Variants in ZAN observed in about 807,000 individuals in gnomAD.
ZAN encodes zonadhesin (gene/pseudogene).
Under a neutral mutation model 286.2 loss-of-function variants are expected in ZAN, and 260 were observed. That is an observed-to-expected ratio of 0.91 (90% confidence interval 0.82 to 1.01). The LOEUF (loss-of-function observed/expected upper bound fraction) is 1.01, where lower values mean the gene tolerates loss of function less well. Ranked by LOEUF, ZAN falls within the 50% of genes least tolerant of loss-of-function variation. The pLI is 0.00. For missense variants in ZAN, 3,410 were observed against 3,639.2 expected, an observed-to-expected ratio of 0.94 and a Z score of 1.62; for synonymous variants, 1,368 against 1,417.5, an observed-to-expected ratio of 0.97 and a Z score of 0.79.
At position 100,784,616 on chromosome 7, in the gene ZAN, C is replaced by T; in HGVS notation, c.6623-7C>T. On this transcript the variant is annotated splice_polypyrimidine_tract_variant and splice_region_variant and intron_variant, in intron 35 of 47. Transcript: ENST00000613979. ...CTCCACTGACCCACTGTCTCCTTCACCCACAGCTCTGGAATGCCCTGCCTA... is the reference window on the plus strand; with the variant it reads ...CTCCACTGACCCACTGTCTCCTTCATCCACAGCTCTGGAATGCCCTGCCTA... The T allele has an allele frequency of 6.2e-7, 1 of 1,613,284 alleles. No individual in the cohort carries two copies. The highest frequency in any genetic ancestry group is 8.5e-7 in the Non-Finnish European group (1 of 1,179,714).
intron 7 of ZAN, 101 bp downstream of exon 7, chr7:100,738,714 C>G: frequency 8.1e-7 from 1 of 1,232,942 alleles, no homozygotes; most frequent in East Asian, 2.6e-5. Context: ...CAGCTTCAAG[C>G]CTCTTACCAG....
rs1469517428 is a variant in ZAN at position 100,792,106 on chromosome 7, T to C, written c.7670T>C (p.Phe2557Ser). 1 of 1,612,532 alleles carries C rather than the reference T, an allele frequency of 6.2e-7. No individual in the cohort carries two copies. Residue 2557 changes from phenylalanine (F) to serine (S), a missense_variant, in exon 41 of 48, where the codon TTT becomes TCT. Physicochemically the swap from Phe to Ser is radical, Grantham distance 155 (BLOSUM62 -2). This residue lies in a region of ZAN where 1,289 missense variants were observed against 1,314.3 expected (regional missense o/e 0.98). Coordinates refer to ENST00000613979, the MANE Select transcript of ZAN (RefSeq NM_003386.3). ...GTGCTGGCAGACCCCCAGGGCCCCT[T>C]TGCTGCCTGTCACCAGACGGTGGCC... ...CRVLADPQGP[F>S]AACHQTVAPE...
At chr7:100,771,663 C>T (rs1273360045) in intron 28 of ZAN, among the ~76,000 whole-genome samples, 181 bp from the exon 29 acceptor site, 4 of 152,104 alleles carry the variant, frequency 2.6e-5, no homozygotes, top group African/African-American at 9.7e-5. Context: ...AACTCCTGAC[C>T]TCAAGTGATC....
Position 100,751,262 on chromosome 7 carries a change from TC to T in ZAN, c.1604del (p.Pro535GlnfsTer2). The part of the protein sequence containing the change: ...GFILINPGTC[P>X]VKVLPELPPV... ...TCATCTTGATCAATCCTGGGACTTG[TC>T]CAGGTAAGACCAAAGCCCAGGCTCC... On this transcript the variant is annotated frameshift_variant, in exon 13 of 48. Transcript: ENST00000613979. LOFTEE classifies it high-confidence loss of function. The T allele has an allele frequency of 6.3e-7, 1 of 1,592,864 alleles. No individual in the cohort carries two copies. Among genetic ancestry groups the T allele is most frequent in the Non-Finnish European group, 8.5e-7 (1 of 1,169,734 alleles).
chr7:100,772,874 GTTTT>G (rs1216759374), intron 29 of ZAN, among the ~76,000 whole-genome samples: 63 of 122,010 alleles, frequency 5.2e-4, no homozygotes, highest in African/African-American at 1.8e-3. Context: ...TTTTTTGTTT[GTTTT>G]TTTTTTTTTT....
chr7:100,775,361 A>G lies in ZAN; in HGVS notation c.5813A>G (p.His1938Arg), dbSNP rs1279583739. 1 of 1,613,362 alleles carries G rather than the reference A, an allele frequency of 6.2e-7. No homozygotes were observed. The highest frequency in any genetic ancestry group is 8.5e-7 in the Non-Finnish European group (1 of 1,179,770). Residue 1938 changes from histidine to arginine, a missense_variant, in exon 32 of 48, where the codon CAC becomes CGC. By Grantham distance (29) the His-to-Arg change is conservative. Around this residue, in one of 7 missense-constraint regions of ZAN, gnomAD observed 1,289 missense variants for 1,314.3 expected, o/e 0.98. Coordinates refer to ENST00000613979, the MANE Select transcript of ZAN (RefSeq NM_003386.3). The stretch of plus-strand genomic sequence containing the variant: ...GTGTGTCAGCTCCCAGGGGAGTCCC[A>G]CTACGTGAGCTTTGATGGTAGTAAC... ...VGVCQLPGES[H>R]YVSFDGSNHS...
chr7:100,779,796 T>C (rs1036720904), intron 35 of ZAN, 46 bp downstream of exon 35: 4 of 1,508,598 alleles, frequency 2.7e-6, no homozygotes, highest in Non-Finnish European at 3.6e-6. Flanking sequence ...AAACCCCCTT[T>C]CCCTCTCTGC....
chr7:100,771,422 G>A (rs314295), intron 28 of ZAN, among the ~76,000 whole-genome samples: 128,153 of 151,366 alleles, frequency 0.85, 55,086 homozygotes, highest in Non-Finnish European at 0.9. Flanking sequence ...GGAAAATCCA[G>A]GAGGTTTTTT....
At chr7:100,782,505 ATT>A (rs1584620690) in intron 35 of ZAN, among the ~76,000 whole-genome samples, 1 of 151,774 alleles carries the variant, frequency 6.6e-6, no homozygotes, top group South Asian at 2.1e-4. Flanking sequence ...ATTTTTTTGT[ATT>A]TTTAGTAGAG....
At chr7:100,769,256 G>T in intron 27 of ZAN, among the ~76,000 whole-genome samples, 1 of 151,990 alleles carries the variant, frequency 6.6e-6, no homozygotes. Context: ...ACCACGCCCG[G>T]CTAATTTTTG....
At chr7:100,794,067 G>A (rs1469616929) in intron 43 of ZAN, 49 bp downstream of exon 43, 2 of 1,613,226 alleles carry the variant, frequency 1.2e-6, no homozygotes, top group Non-Finnish European at 1.7e-6. Context: ...GCCAAGGAGA[G>A]CCAGACCAGG....
chr7:100,784,424 A>G (rs547317765), intron 35 of ZAN, among the ~76,000 whole-genome samples, 199 bp from the exon 36 acceptor site: 4 of 152,172 alleles, frequency 2.6e-5, no homozygotes, highest in African/African-American at 9.6e-5. Context: ...CACCATGCCC[A>G]GCCGCTTTTT....
In ZAN at chr7:100,773,817, A is replaced by G; in HGVS notation, c.5731A>G (p.Asn1911Asp). The change falls in exon 31 of 48, where the codon AAC (asparagine) becomes GAC (aspartate). Residue 1911 changes from asparagine (N) to aspartate (D), a missense_variant. Transcript: ENST00000613979. Reference sequence around the variant, plus strand: ...CTGCTTCCAGAGCACCTGCAAACCCAACCAGATATGCTGGGCCCTGGATGG... The same window carrying G: ...CTGCTTCCAGAGCACCTGCAAACCCGACCAGATATGCTGGGCCCTGGATGG... ...ITCFQSTCKP[N>D]QICWALDGLL... is the part of the protein sequence containing the mutation. 6.2e-7 allele frequency: 1 copy of G among 1,611,024 alleles called. No homozygotes were observed.
At position 100,783,817 on chromosome 7, in the gene ZAN, C is replaced by T. The variant is rs60652309; in HGVS notation, c.6623-806C>T. On this transcript the variant is annotated intron_variant, in intron 35 of 47. Coordinates refer to ENST00000613979, the MANE Select transcript of ZAN (RefSeq NM_003386.3). ...ATATATATACACACATATATATATACATATATATATATGTATATTTTATTG... is the reference window on the plus strand; with the variant it reads ...ATATATATACACACATATATATATATATATATATATATGTATATTTTATTG... Among the ~76,000 whole-genome samples, 37 of 74,332 alleles carry T rather than the reference C, an allele frequency of 5.0e-4. 2 individuals are homozygous for T. The highest frequency in any genetic ancestry group is 1.5e-3 in the African/African-American group (31 of 21,004). The allele number at this position is 74,332 out of a possible 152,430, so 48.8% of individuals were successfully genotyped here.
At position 100,786,072 on chromosome 7, in the gene ZAN, T is replaced by G. The variant is rs757011191; in HGVS notation, c.6910T>G (p.Phe2304Val). ...GGGAGGAGCCATTCAGTGCGGGGACTTCCGATGCCCCTCTGGGTCCCACTG... is the reference window on the plus strand; with the variant it reads ...GGGAGGAGCCATTCAGTGCGGGGACGTCCGATGCCCCTCTGGGTCCCACTG... The part of the protein sequence containing the change: ...CTGGAIQCGD[F>V]RCPSGSHCQL... Residue 2304 changes from phenylalanine to valine, a missense_variant, in exon 37 of 48, where the codon TTC becomes GTC. Phe to Val is a conservative substitution (Grantham distance 50, BLOSUM62 -1). Coordinates refer to ENST00000613979, the MANE Select transcript of ZAN (RefSeq NM_003386.3). 3.7e-6 allele frequency: 6 copies of G among 1,614,034 alleles called. No individual in the cohort carries two copies. In the East Asian group the frequency reaches 1.3e-4, roughly 36 times the overall value.
chr7:100,747,246 G>T (rs1808289670), intron 8 of ZAN, among the ~76,000 whole-genome samples: 1 of 150,966 alleles, frequency 6.6e-6, no homozygotes, highest in South Asian at 2.1e-4. Flanking sequence ...AATTAGCCAG[G>T]TGTGGTGGCA....
In ZAN at chr7:100,787,784, ACTC is replaced by A. The variant is rs869109276; in HGVS notation, c.6980-102_6980-100del. The A allele has an allele frequency of 7.6e-5, 96 of 1,256,380 alleles. 1 individual carries two copies. The East Asian group carries it at 1.8e-3, about 23-fold the overall frequency. 77.8% of individuals were successfully genotyped at this position (1,256,380 alleles called of 1,614,324 possible). ...ACCATGTTGGCCAGGCTGGTCTCAA[ACTC>A]CTGACCTCAGGTCATCCACCCGCCT... On this transcript the variant is annotated intron_variant, in intron 37 of 47. Transcript: ENST00000613979.
Position 100,764,120 on chromosome 7 carries a change from A to T in ZAN, c.4191A>T (p.Thr1397=), listed in dbSNP as rs1341983089. 6.2e-7 allele frequency: 1 copy of T among 1,612,372 alleles called. No individual in the cohort carries two copies. The highest frequency in any genetic ancestry group is 8.5e-7 in the Non-Finnish European group (1 of 1,179,252). Residue 1397 remains threonine (T), a synonymous_variant, in exon 22 of 48, where the codon ACA becomes ACT. Coordinates refer to ENST00000613979, the MANE Select transcript of ZAN (RefSeq NM_003386.3). ...GFQGLQHLLC[T]HMSTMTTTCQ... ...AGGGGCTGCAGCACCTGCTGTGCAC[A>T]CACATGTCCACCATGACCACCACCT...
rs754970713 is a variant in ZAN, at chr7:100,775,838, G to A, written c.6192+5G>A. The A allele has an allele frequency of 1.9e-6, 3 of 1,613,224 alleles. No homozygotes were observed. Among genetic ancestry groups the A allele is most frequent in the Admixed American group, 3.3e-5 (2 of 59,938 alleles). ...CCCACAACCTACTATGGAAAGGTGA[G>A]GAAAACATCTGGCTCTTCTCGCTGG... On this transcript the variant is annotated splice_donor_5th_base_variant and intron_variant, in intron 33 of 47. Coordinates refer to ENST00000613979, the MANE Select transcript of ZAN (RefSeq NM_003386.3).
Sources: allele counts gnomAD v4.1 joint callset (sites outside exome capture counted in the v4.1 genomes callset), GRCh38; gene constraint gnomAD v4.1.1; regional missense constraint gnomAD v4.1.1; transcripts MANE v1.5; gene names NCBI Gene and HGNC (gene_info 2026-07-23, HGNC 2026-07-21).